NEBL: variants seen among roughly 807,000 people sequenced by gnomAD.
NEBL encodes the protein LIM and SH3 protein 2.
Under a neutral mutation model 140.2 loss-of-function variants are expected in NEBL, and 122 were observed. The ratio of observed to expected loss-of-function variants is 0.87; its 90% confidence interval spans 0.75 to 1.01. The LOEUF is 1.01. Among genes scored for constraint, NEBL ranks in the 50% least tolerant of loss-of-function variants. The pLI is 0.00. For synonymous variants in NEBL, 436 were observed against 398.9 expected (o/e 1.09, Z -1.11); for missense variants, 1,365 against 1,231.3 (o/e 1.11, Z -1.62).
At chr10:21,233,897 C>T (rs1437768922) in intron 3 of NEBL, among the ~76,000 whole-genome samples, 2 of 132,390 alleles carry the variant, frequency 1.5e-5, no homozygotes, top group East Asian at 4.3e-4. Context: ...ATATATATTA[C>T]ATATATATGC....
At chr10:21,245,904 C>T (rs1165067463) in intron 3 of NEBL, among the ~76,000 whole-genome samples, 5 of 152,158 alleles carry the variant, frequency 3.3e-5, no homozygotes, top group Non-Finnish European at 5.9e-5. Flanking sequence ...ACTGTGTGAG[C>T]CAGGATGGTC....
intron 18 of NEBL, 50 bp downstream of exon 18, chr10:20,826,397 T>C: frequency 2.9e-6 from 4 of 1,381,542 alleles, no homozygotes; most frequent in Non-Finnish European, 4.1e-6. Flanking sequence ...CATTTGTCTA[T>C]AGTTTTGGTT....
chr10:21,062,497 C>CA (rs891598250), intron 2 of NEBL, among the ~76,000 whole-genome samples: 8 of 150,338 alleles, frequency 5.3e-5, no homozygotes, highest in South Asian at 2.1e-4. Context: ...CCTGTCTCTA[C>CA]AAAAAAAATT....
chr10:21,292,462 G>A (rs1223359592), intron 1 of NEBL, among the ~76,000 whole-genome samples: 3 of 152,154 alleles, frequency 2.0e-5, no homozygotes, highest in African/African-American at 7.2e-5. Flanking sequence ...TATGGCTGGG[G>A]TTGAAATAAA....
At chr10:21,104,955 T>C (rs1837642845) in intron 2 of NEBL, among the ~76,000 whole-genome samples, 1 of 152,222 alleles carries the variant, frequency 6.6e-6, no homozygotes. Flanking sequence ...CATAGTAAAA[T>C]GCTTTTCTAC....
intron 2 of NEBL, among the ~76,000 whole-genome samples, chr10:21,250,995 G>A (rs2132272455): frequency 6.6e-6 from 1 of 152,276 alleles, no homozygotes; most frequent in South Asian, 2.1e-4. Flanking sequence ...TCTGGGTTGA[G>A]AAGAAACTCA....
chr10:20,885,496 A>G (rs1846432973), intron 4 of NEBL, among the ~76,000 whole-genome samples: 1 of 152,238 alleles, frequency 6.6e-6, no homozygotes, highest in African/African-American at 2.4e-5. Context: ...ACATGCTAAC[A>G]ATGTCAGTGG....
intron 3 of NEBL, among the ~76,000 whole-genome samples, chr10:21,245,773 G>A (rs1202115706): frequency 2.0e-5 from 3 of 152,172 alleles, no homozygotes; most frequent in Non-Finnish European, 4.4e-5. Context: ...TCCACTCACT[G>A]CAAGCTCCAC....
chr10:20,808,942 T>G (rs1837875642), intron 25 of NEBL, among the ~76,000 whole-genome samples: 1 of 152,152 alleles, frequency 6.6e-6, no homozygotes, highest in Non-Finnish European at 1.5e-5. Context: ...ATTAATAAAT[T>G]TTTGTTAATT....
intron 2 of NEBL, among the ~76,000 whole-genome samples, chr10:21,142,982 A>C (rs1266258554): frequency 2.0e-5 from 3 of 152,078 alleles, no homozygotes; most frequent in African/African-American, 4.8e-5. Flanking sequence ...TGAATTTGAG[A>C]CTTAAGTGTG....
chr10:21,167,037 G>A (rs1015997339), intron 2 of NEBL, among the ~76,000 whole-genome samples: 2 of 152,154 alleles, frequency 1.3e-5, no homozygotes, highest in South Asian at 2.1e-4. Context: ...GAGAGGCAGC[G>A]GAGCACTGGC....
At position 20,896,975 on chromosome 10, in the gene NEBL, T is replaced by C. The variant is rs751607557; in HGVS notation, c.136A>G (p.Thr46Ala). ...DLSMELARKCTELISDIRYKE... is the reference protein window; with the variant it reads ...DLSMELARKCAELISDIRYKE... ...CCACTTACATCGCTAATGAGTTCCGTGCATTTTCTGGCCAATTCCATGCTT... is the reference window on the plus strand; with the variant it reads ...CCACTTACATCGCTAATGAGTTCCGCGCATTTTCTGGCCAATTCCATGCTT... Residue 46 changes from threonine to alanine, a missense_variant, in exon 2 of 28, where the codon ACG becomes GCG. By Grantham distance (58) the Thr-to-Ala change is moderately conservative. Transcript: ENST00000377122. 1 of 1,614,054 alleles carries C rather than the reference T, an allele frequency of 6.2e-7. No homozygotes were observed. Among genetic ancestry groups the C allele is most frequent in the Non-Finnish European group, 8.5e-7 (1 of 1,179,968 alleles).
intron 3 of NEBL, among the ~76,000 whole-genome samples, chr10:21,233,046 T>TC (rs1842286397): frequency 6.6e-6 from 1 of 152,174 alleles, no homozygotes; most frequent in Non-Finnish European, 1.5e-5. Flanking sequence ...CAATGCCTTT[T>TC]CCTATCTTAG....
At chr10:20,922,914 G>A (rs555533772) in intron 4 of NEBL, among the ~76,000 whole-genome samples, 4 of 152,274 alleles carry the variant, frequency 2.6e-5, no homozygotes, top group African/African-American at 7.2e-5. Flanking sequence ...CACAGAAACC[G>A]ATGACTTCAG....
At position 21,246,651 on chromosome 10, in the gene NEBL, G is replaced by T. The variant is rs569190963; in HGVS notation, n.348+1270C>A. ...ACCTGAGGCCAGAAGTTTTTGTAGA[G>T]ACCTGGTCTCTACAAAAAAATTAAA... On this transcript the variant is annotated intron_variant and non_coding_transcript_variant, in intron 3 of 8. Coordinates refer to the NEBL transcript ENST00000675702. 5.3e-5 allele frequency among the ~76,000 whole-genome samples: 8 copies of T among 151,882 alleles called. 1 individual carries two copies. The South Asian group carries it at 6.2e-4, about 12-fold the overall frequency.
intron 25 of NEBL, 37 bp from the exon 26 acceptor site, chr10:20,808,696 G>C: frequency 6.3e-7 from 1 of 1,594,926 alleles, no homozygotes; most frequent in Non-Finnish European, 8.6e-7. Flanking sequence ...GTGTGATTAA[G>C]TGACTCGAAA....
chr10:20,933,978 T>G (rs1336331239), intron 4 of NEBL, among the ~76,000 whole-genome samples: 1 of 152,192 alleles, frequency 6.6e-6, no homozygotes, highest in Non-Finnish European at 1.5e-5. Context: ...CTATCTTTAC[T>G]TTTGTATTTT....
intron 3 of NEBL, among the ~76,000 whole-genome samples, chr10:21,186,257 A>ACACACACACAC (rs955598418): frequency 2.4e-5 from 3 of 124,736 alleles, no homozygotes; most frequent in African/African-American, 8.5e-5. Context: ...TATATATACA[A>ACACACACACAC]ACACACACAC....
chr10:20,994,584 AC>A (rs535964504), intron 3 of NEBL, among the ~76,000 whole-genome samples: 8 of 151,864 alleles, frequency 5.3e-5, no homozygotes, highest in Admixed American at 1.3e-4. Flanking sequence ...AAGGGCATTG[AC>A]CCCCCCGTAC....
Sources: gnomAD v4.1 joint callset for allele counts (sites outside exome capture counted in the v4.1 genomes callset) on GRCh38, gnomAD v4.1.1 for gene constraint, MANE v1.5 for transcripts, NCBI Gene and HGNC (gene_info 2026-07-23, HGNC 2026-07-21) for gene names.